NBEAL1: variants seen among roughly 807,000 people sequenced by gnomAD.
The protein encoded by NBEAL1 is neurobeachin like 1.
In NBEAL1, 273 loss-of-function variants were observed where a neutral mutation model predicts 351.3. The ratio of observed to expected loss-of-function variants is 0.78; its 90% confidence interval spans 0.70 to 0.86. The LOEUF (loss-of-function observed/expected upper bound fraction) is 0.86. Ranked by LOEUF, NBEAL1 falls within the 40% of genes least tolerant of loss-of-function variation. The pLI is 0.00. For missense variants in NBEAL1, 2,961 were observed against 3,201.3 expected (o/e 0.92, Z 1.81); for synonymous variants, 1,050 against 1,086.4 (o/e 0.97, Z 0.66).
intron 54 of NBEAL1, 77 bp from the exon 55 acceptor site, chr2:203,213,437 AATTT>A: frequency 7.7e-7 from 1 of 1,297,478 alleles, no homozygotes; most frequent in Non-Finnish European, 1.1e-6. Context: ...GATGAGCATT[AATTT>A]ATTTTCCAGA....
chr2:203,149,384 G>C (rs2063593273), intron 34 of NBEAL1, among the ~76,000 whole-genome samples: 1 of 151,894 alleles, frequency 6.6e-6, no homozygotes, highest in Admixed American at 6.6e-5. Flanking sequence ...AAGTTTATTG[G>C]ACTTTAGACT....
chr2:203,057,582 C>A, intron 6 of NBEAL1, 129 bp downstream of exon 6: 1 of 682,336 alleles, frequency 1.5e-6, no homozygotes, highest in Non-Finnish European at 2.3e-6. Flanking sequence ...TAACTCTGAG[C>A]TAGAGAAATA....
chr2:203,187,220 C>T (rs879545704), intron 44 of NBEAL1, among the ~76,000 whole-genome samples: 1 of 151,348 alleles, frequency 6.6e-6, no homozygotes, highest in Admixed American at 6.6e-5. Flanking sequence ...GCAATACCAC[C>T]ATTCCCAGCT....
chr2:203,172,949 C>T lies in NBEAL1; in HGVS notation c.6323+96C>T, dbSNP rs986103666. ...CCAACCAAAAAAATTTTTTTTTTAT[C>T]GTACTACTACTTTTGATAATCAGAG... On this transcript the variant is annotated intron_variant, in intron 41 of 55. Coordinates refer to ENST00000683969, the MANE Select transcript of NBEAL1 (RefSeq NM_001378026.1). 4.3e-5 allele frequency: 38 copies of T among 886,012 alleles called. No homozygotes were observed. The African/African-American group carries it at 6.2e-4, about 14-fold the overall frequency. The allele number at this position is 886,012 out of a possible 1,614,324, so 54.9% of individuals were successfully genotyped here. A position where few individuals can be genotyped will look rare whatever the true frequency, so the allele number is the denominator to read the frequency against.
rs760993895 is a variant in NBEAL1, at chr2:203,175,223, G to T, written c.6400G>T (p.Val2134Phe). Reference protein sequence around the residue: ...YGTHYSNSAGVMHYLIRVEPF... With the variant: ...YGTHYSNSAGFMHYLIRVEPF... ...TACTCACTATTCAAATTCTGCGGGGGTCATGCACTATCTCATTCGTGTAGA... is the reference window on the plus strand; with the variant it reads ...TACTCACTATTCAAATTCTGCGGGGTTCATGCACTATCTCATTCGTGTAGA... Residue 2134 changes from valine (V) to phenylalanine (F), a missense_variant, in exon 42 of 56, where the codon GTC (valine) becomes TTC (phenylalanine). Transcript: ENST00000683969. 29 of 1,613,764 alleles carry T rather than the reference G, an allele frequency of 1.8e-5. No homozygotes were observed. Among genetic ancestry groups the T allele is most frequent in the Non-Finnish European group, 2.4e-5 (28 of 1,179,878 alleles).
chr2:203,049,558 A>C (rs2061290062), intron 3 of NBEAL1, among the ~76,000 whole-genome samples: 1 of 152,178 alleles, frequency 6.6e-6, no homozygotes, highest in Admixed American at 6.5e-5. Context: ...CTCTTTAGTA[A>C]GCCTCTTCTG....
chr2:203,098,791 A>G (rs1219873166), intron 11 of NBEAL1, among the ~76,000 whole-genome samples: 2 of 152,144 alleles, frequency 1.3e-5, no homozygotes, highest in East Asian at 3.8e-4. Context: ...CAAATTTTCC[A>G]TTTAATATAA....
chr2:203,101,201 T>G (rs2062312081), intron 12 of NBEAL1, among the ~76,000 whole-genome samples: 1 of 152,230 alleles, frequency 6.6e-6, no homozygotes. Flanking sequence ...AGGGGTCCAG[T>G]TTCAGTCTTC....
At chr2:203,022,050 CAA>C (rs1212450445) in intron 2 of NBEAL1, among the ~76,000 whole-genome samples, 35 of 109,436 alleles carry the variant, frequency 3.2e-4, no homozygotes, top group Non-Finnish European at 2.9e-4. Flanking sequence ...GACTCTGTTT[CAA>C]AAAAAAAAAA....
chr2:203,041,962 A>T, intron 3 of NBEAL1, 106 bp downstream of exon 3: 1 of 726,422 alleles, frequency 1.4e-6, no homozygotes, highest in Non-Finnish European at 2.4e-6. Flanking sequence ...TACCCTCTTG[A>T]TACTCATGAA....
intron 49 of NBEAL1, among the ~76,000 whole-genome samples, chr2:203,201,122 A>T (rs116706142): frequency 6.6e-6 from 1 of 152,246 alleles, no homozygotes; most frequent in Non-Finnish European, 1.5e-5. Context: ...ATACACACTT[A>T]TCTGCCTGAT....
chr2:203,052,882 GGT>G (rs1386295449), intron 4 of NBEAL1, among the ~76,000 whole-genome samples: 1 of 152,018 alleles, frequency 6.6e-6, no homozygotes, highest in African/African-American at 2.4e-5. Context: ...CACCGCACCT[GGT>G]CCTCCTCCAT....
chr2:203,084,437 G>A, intron 9 of NBEAL1, 26 bp from the exon 10 acceptor site: 1 of 1,240,886 alleles, frequency 8.1e-7, no homozygotes, highest in South Asian at 1.7e-5. Context: ...ATTTTTACAT[G>A]GATGATTTTC....
At chr2:203,050,466 A>G (rs2061307290) in intron 4 of NBEAL1, among the ~76,000 whole-genome samples, 1 of 152,174 alleles carries the variant, frequency 6.6e-6, no homozygotes, top group Non-Finnish European at 1.5e-5. Context: ...AAATTATATT[A>G]AAGTCAATGA....
chr2:203,204,419 C>T (rs1448634818), intron 51 of NBEAL1, among the ~76,000 whole-genome samples: 1 of 150,464 alleles, frequency 6.6e-6, no homozygotes. Context: ...CAGCCTTGAC[C>T]TCCCAGGCTC....
At chr2:203,042,549 A>C (rs2061159353) in intron 3 of NBEAL1, among the ~76,000 whole-genome samples, 1 of 150,284 alleles carries the variant, frequency 6.7e-6, no homozygotes, top group African/African-American at 2.4e-5. Flanking sequence ...AGTGGTGGTG[A>C]GGCTGAAAGT....
At chr2:203,047,004 G>A (rs147825830) in intron 3 of NBEAL1, among the ~76,000 whole-genome samples, 24 of 152,146 alleles carry the variant, frequency 1.6e-4, no homozygotes, top group East Asian at 9.7e-4. Context: ...GAGAAACCCC[G>A]TCTCTACTAC....
At chr2:203,190,425 C>T (rs557214146) in intron 46 of NBEAL1, 36 bp downstream of exon 46, 6 of 1,437,760 alleles carry the variant, frequency 4.2e-6, no homozygotes, top group Non-Finnish European at 5.8e-6. Context: ...TTTAAGTCAA[C>T]TTAAGAAGTA....
intron 30 of NBEAL1, 49 bp from the exon 31 acceptor site, chr2:203,138,571 A>G: frequency 1.3e-6 from 2 of 1,528,000 alleles, no homozygotes; most frequent in Non-Finnish European, 1.8e-6. Flanking sequence ...TCATCAGTAA[A>G]TTGAAAAACT....
Sources: allele counts gnomAD v4.1 joint callset (sites outside exome capture counted in the v4.1 genomes callset), GRCh38; gene constraint gnomAD v4.1.1; transcripts MANE v1.5; gene names NCBI Gene and HGNC (gene_info 2026-07-23, HGNC 2026-07-21).